Variants in EPHA6 observed in about 807,000 individuals in gnomAD.
EPHA6 encodes ephrin type-A receptor 6.
A neutral mutation model predicts 112.0 loss-of-function variants in EPHA6; 50 were observed. The ratio of observed to expected loss-of-function variants is 0.45; its 90% confidence interval spans 0.36 to 0.56. The LOEUF (loss-of-function observed/expected upper bound fraction) is 0.56, where lower values mean the gene tolerates loss of function less well. Ranked by LOEUF, EPHA6 falls within the 20% of genes least tolerant of loss-of-function variation. The pLI, the probability that EPHA6 is intolerant of heterozygous loss-of-function variation, is 0.00. For missense variants in EPHA6, 1,280 were observed against 1,417.4 expected, an observed-to-expected ratio of 0.90 and a Z score of 1.56; for synonymous variants, 529 against 490.7, an observed-to-expected ratio of 1.08 and a Z score of -1.03.
At chr3:97,561,204 G>A (rs758782378) in intron 11 of EPHA6, among the ~76,000 whole-genome samples, 6 of 151,910 alleles carry the variant, frequency 3.9e-5, no homozygotes, top group East Asian at 1.9e-4. Flanking sequence ...AGGAAGAGTC[G>A]CATATCTCTG....
chr3:96,963,428 T>C (rs900677189), intron 2 of EPHA6, among the ~76,000 whole-genome samples: 4 of 152,188 alleles, frequency 2.6e-5, no homozygotes, highest in African/African-American at 9.6e-5. Context: ...AAAACCCCTC[T>C]TCTTTTCACC....
chr3:97,724,765 G>A (rs1576356949), intron 15 of EPHA6, among the ~76,000 whole-genome samples: 1 of 151,578 alleles, frequency 6.6e-6, no homozygotes, highest in Non-Finnish European at 1.5e-5. Flanking sequence ...TTTTTTAAGG[G>A]AAATAAAGTA....
intron 15 of EPHA6, among the ~76,000 whole-genome samples, chr3:97,728,372 AT>A (rs1444155085): frequency 6.6e-6 from 1 of 152,060 alleles, no homozygotes; most frequent in Non-Finnish European, 1.5e-5. Flanking sequence ...GTGTCCTTGT[AT>A]TTTCAAAAAT....
intron 3 of EPHA6, among the ~76,000 whole-genome samples, chr3:97,160,801 G>A (rs2108398600): frequency 6.6e-6 from 1 of 152,284 alleles, no homozygotes; most frequent in East Asian, 1.9e-4. Flanking sequence ...TGCTCACTGA[G>A]AGGATTCCCC....
chr3:97,641,280 G>A (rs1275905641), intron 14 of EPHA6, among the ~76,000 whole-genome samples: 1 of 152,164 alleles, frequency 6.6e-6, no homozygotes, highest in Admixed American at 6.5e-5. Flanking sequence ...AGCATTCTAT[G>A]AATGTACTTA....
At chr3:97,395,108 T>C (rs1473766588) in intron 5 of EPHA6, among the ~76,000 whole-genome samples, 2 of 151,624 alleles carry the variant, frequency 1.3e-5, no homozygotes, top group East Asian at 3.9e-4. Context: ...TTTAACATAC[T>C]ACAATGTTAT....
At chr3:96,995,000 G>A (rs1417625337) in intron 3 of EPHA6, among the ~76,000 whole-genome samples, 9 of 151,742 alleles carry the variant, frequency 5.9e-5, no homozygotes. Flanking sequence ...TTTTTTTCTA[G>A]TAGTGCATTA....
chr3:97,084,753 A>G (rs2046840466), intron 3 of EPHA6, among the ~76,000 whole-genome samples: 1 of 152,146 alleles, frequency 6.6e-6, no homozygotes, highest in Admixed American at 6.6e-5. Context: ...ATCAGAGACG[A>G]CACAAACAAA....
chr3:97,139,796 A>G (rs766996663), intron 3 of EPHA6, among the ~76,000 whole-genome samples: 1 of 152,204 alleles, frequency 6.6e-6, no homozygotes, highest in Non-Finnish European at 1.5e-5. Flanking sequence ...GACACCCCCA[A>G]AGGATCACAT....
At chr3:97,159,205 T>C (rs1173872690) in intron 3 of EPHA6, among the ~76,000 whole-genome samples, 1 of 152,140 alleles carries the variant, frequency 6.6e-6, no homozygotes, top group African/African-American at 2.4e-5. Flanking sequence ...GATATACATT[T>C]CCTTACCTTC....
At chr3:97,588,921 G>T (rs753357627) in intron 11 of EPHA6, among the ~76,000 whole-genome samples, 4 of 152,056 alleles carry the variant, frequency 2.6e-5, no homozygotes, top group Non-Finnish European at 5.9e-5. Context: ...ATACATGTGC[G>T]GGTTTGTTAC....
chr3:97,085,940 TATATATATAC>T (rs1025722467), intron 3 of EPHA6, among the ~76,000 whole-genome samples: 11 of 145,010 alleles, frequency 7.6e-5, no homozygotes, highest in African/African-American at 3.0e-4. Context: ...TATATATATA[TATATATATAC>T]ACACTGAGAT....
chr3:97,275,052 C>T (rs1054449643), intron 5 of EPHA6, among the ~76,000 whole-genome samples: 7 of 152,068 alleles, frequency 4.6e-5, no homozygotes, highest in East Asian at 1.9e-4. Flanking sequence ...ATTAAAGCAC[C>T]GGCAGCCGCT....
rs77036033 is a variant in EPHA6 at position 97,316,837 on chromosome 3, T to C, written c.1606+72550T>C. Among the ~76,000 whole-genome samples the C allele has an allele frequency of 5.0e-3, 767 of 151,996 alleles. 9 individuals are homozygous for C. The highest frequency in any genetic ancestry group is 0.017 in the African/African-American group (710 of 41,460). ...GCTTTCATTAAAGTAAAAATATTAA[T>C]AATCTAAACAGTTTCTTACTGGATT... On this transcript the variant is annotated intron_variant, in intron 5 of 17. Transcript: ENST00000389672.
At position 97,184,806 on chromosome 3, in the gene EPHA6, T is replaced by A. The variant is rs558141364; in HGVS notation, c.1115-41458T>A. Among the ~76,000 whole-genome samples, 399 of 152,302 alleles carry A rather than the reference T, an allele frequency of 2.6e-3. 3 individuals are homozygous for A. The highest frequency in any genetic ancestry group is 8.6e-3 in the African/African-American group (358 of 41,564). ...AGCTGGAGGCATCACGCTACCTGAC[T>A]TCAAACTATACTTCAAGGCTACAGT... On this transcript the variant is annotated intron_variant, in intron 3 of 17. Transcript: ENST00000389672.
intron 5 of EPHA6, among the ~76,000 whole-genome samples, chr3:97,332,024 CAG>C (rs1454729804): frequency 3.9e-5 from 6 of 152,044 alleles, no homozygotes; most frequent in Non-Finnish European, 7.4e-5. Context: ...TACTGGCAAA[CAG>C]AATCCAGCAG....
chr3:97,173,173 T>C (rs938075147), intron 3 of EPHA6, among the ~76,000 whole-genome samples: 2 of 151,884 alleles, frequency 1.3e-5, no homozygotes, highest in Non-Finnish European at 3.0e-5. Context: ...CAGTAATAAA[T>C]GTAAATGTGA....
chr3:97,468,669 T>C (rs2091136031), intron 7 of EPHA6, among the ~76,000 whole-genome samples: 1 of 151,712 alleles, frequency 6.6e-6, no homozygotes, highest in African/African-American at 2.4e-5. Flanking sequence ...AATACAAATA[T>C]GTAAGGGAAT....
At chr3:97,010,078 G>T (rs932554785) in intron 3 of EPHA6, 2 of 1,287,448 alleles carry the variant, frequency 1.6e-6, no homozygotes, top group African/African-American at 3.1e-5. Flanking sequence ...AAGAATAAAA[G>T]AAAAAGCAAA....
Sources: allele counts gnomAD v4.1 joint callset (sites outside exome capture counted in the v4.1 genomes callset), GRCh38; gene constraint gnomAD v4.1.1; transcripts MANE v1.5; gene names NCBI Gene and HGNC (gene_info 2026-07-23, HGNC 2026-07-21).